LYRM4: variants seen among roughly 807,000 people sequenced by gnomAD.
LYRM4 encodes the protein LYR motif containing 4, also known as LYR motif-containing protein 4.
A neutral mutation model predicts 11.7 loss-of-function variants in LYRM4; 9 were observed. That is an observed-to-expected ratio of 0.77 (90% CI 0.46 to 1.34). The LOEUF (loss-of-function observed/expected upper bound fraction) is 1.34. Ranked by LOEUF, LYRM4 falls within the 40% of genes most tolerant of loss-of-function variation. The pLI is 0.00. For synonymous variants in LYRM4, 42 were observed against 40.4 expected, an observed-to-expected ratio of 1.04 and a Z score of -0.15; for missense variants, 133 against 112.5, an observed-to-expected ratio of 1.18 and a Z score of -0.82.
chr6:5,236,440 G>C (rs1763547725), intron 1 of LYRM4: 1 of 151,760 alleles, frequency 6.6e-6, no homozygotes, highest in African/African-American at 2.4e-5. Context: ...ACTCCAGCCT[G>C]GGCGACAGAG....
the LYRM4 span, among the ~76,000 whole-genome samples, chr6:5,035,472 G>C: frequency 6.7e-6 from 1 of 148,926 alleles, no homozygotes; most frequent in East Asian, 2.1e-4. Flanking sequence ...CGCAGCAGCG[G>C]GATCCGTCAC....
At chr6:5,099,777 G>C (rs1006818819), downstream of LYRM4, among the ~76,000 whole-genome samples, 1 of 152,112 alleles carries the variant, frequency 6.6e-6, no homozygotes, top group African/African-American at 2.4e-5. This position sits in a 1 kb window ranked among gnomAD's most constrained non-coding sequence, Gnocchi z 4.3. Context: ...GAAATTGACT[G>C]TCAGAAAGGT....
At chr6:5,144,026 T>A in intron 2 of LYRM4, 1 of 1,272,676 alleles carries the variant, frequency 7.9e-7, no homozygotes, top group Non-Finnish European at 1.1e-6. Flanking sequence ...AAGAAGCCCC[T>A]GACATCAAAT....
chr6:5,050,414 G>A, the LYRM4 span, among the ~76,000 whole-genome samples: 196 of 151,648 alleles, frequency 1.3e-3, 3 homozygotes, highest in African/African-American at 4.4e-3. Flanking sequence ...GTGTAGACAC[G>A]GAGGTGAGCA....
chr6:5,252,135 T>G (rs1462526181), intron 1 of LYRM4, among the ~76,000 whole-genome samples: 3 of 152,234 alleles, frequency 2.0e-5, no homozygotes, highest in African/African-American at 7.2e-5. Flanking sequence ...GGGAGCCTGT[T>G]TAACCATTTC....
intron 1 of LYRM4, among the ~76,000 whole-genome samples, chr6:5,237,239 C>T (rs1160735318): frequency 2.0e-5 from 3 of 152,136 alleles, no homozygotes; most frequent in African/African-American, 4.8e-5. Flanking sequence ...CACAATACCA[C>T]CTGAGCTCCA....
the LYRM4 span, chr6:5,066,323 C>T: frequency 1.4e-6 from 1 of 716,718 alleles, no homozygotes; most frequent in Non-Finnish European, 2.6e-6. Flanking sequence ...TCTATTCGTC[C>T]AAATTTATAT....
At chr6:5,259,075 G>C (rs1764814157) in intron 1 of LYRM4, among the ~76,000 whole-genome samples, 1 of 141,896 alleles carries the variant, frequency 7.0e-6, no homozygotes, top group Non-Finnish European at 1.5e-5. Context: ...GAGATTGAGA[G>C]ACTTGTCCAA....
intron 1 of LYRM4, among the ~76,000 whole-genome samples, chr6:5,259,838 C>G (rs569515193): frequency 1.4e-4 from 22 of 151,962 alleles, no homozygotes; most frequent in Non-Finnish European, 3.1e-4. Flanking sequence ...AAAAAAAATG[C>G]AGAGAGAGAA....
intron 1 of LYRM4, among the ~76,000 whole-genome samples, chr6:5,223,026 T>C (rs941064199): frequency 6.6e-6 from 1 of 152,150 alleles, no homozygotes; most frequent in Non-Finnish European, 1.5e-5. Context: ...GAAGTGATTA[T>C]AAAAAATTGA....
intron 1 of LYRM4, among the ~76,000 whole-genome samples, chr6:5,221,855 C>G (rs1426814376): frequency 6.6e-6 from 1 of 152,240 alleles, no homozygotes; most frequent in Non-Finnish European, 1.5e-5. Flanking sequence ...CAACCAATCA[C>G]AAATCTTCCA....
chr6:5,226,965 C>T (rs1762930591), intron 1 of LYRM4, among the ~76,000 whole-genome samples: 1 of 151,972 alleles, frequency 6.6e-6, no homozygotes, highest in African/African-American at 2.4e-5. Context: ...AGGGTATATA[C>T]AATTAGATCT....
intron 2 of LYRM4, among the ~76,000 whole-genome samples, chr6:5,167,789 A>G (rs917506105): frequency 6.6e-6 from 1 of 152,104 alleles, no homozygotes; most frequent in Non-Finnish European, 1.5e-5. Context: ...AGAGAAATAC[A>G]TTGCATTTTT....
At chr6:5,177,618 C>A (rs1759797018) in intron 2 of LYRM4, among the ~76,000 whole-genome samples, 1 of 152,202 alleles carries the variant, frequency 6.6e-6, no homozygotes, top group South Asian at 2.1e-4. Context: ...TATGTATTTT[C>A]TTTAATCCTT....
chr6:5,144,052 A>G (rs1405684430), intron 2 of LYRM4: 2 of 1,443,246 alleles, frequency 1.4e-6, no homozygotes, highest in African/African-American at 2.8e-5. Context: ...TCCTCCCTGA[A>G]TAGCTGCTTC....
At chr6:5,140,895 A>C (rs1248884428) in intron 2 of LYRM4, among the ~76,000 whole-genome samples, 1 of 152,184 alleles carries the variant, frequency 6.6e-6, no homozygotes, top group Non-Finnish European at 1.5e-5. Flanking sequence ...CCTCCTAAAT[A>C]ACCAACCAAA....
chr6:5,206,523 C>A (rs1458200173), intron 2 of LYRM4, among the ~76,000 whole-genome samples: 1 of 152,182 alleles, frequency 6.6e-6, no homozygotes. Context: ...TGAAAAAATT[C>A]TTGTGCTATA....
intron 2 of LYRM4, among the ~76,000 whole-genome samples, chr6:5,151,475 C>T (rs563045645): frequency 6.6e-6 from 1 of 152,288 alleles, no homozygotes; most frequent in South Asian, 2.1e-4. Context: ...TTGTTGCCTC[C>T]AGGAAATCCT....
chr6:5,219,206 G>T (rs968045280), intron 1 of LYRM4, among the ~76,000 whole-genome samples: 1 of 152,134 alleles, frequency 6.6e-6, no homozygotes, highest in Non-Finnish European at 1.5e-5. Flanking sequence ...AAGACCTAAG[G>T]TCTTCCAAAG....
Sources: allele counts gnomAD v4.1 joint callset (sites outside exome capture counted in the v4.1 genomes callset), GRCh38; gene constraint gnomAD v4.1.1; non-coding constraint Gnocchi (gnomAD v3.1); transcripts MANE v1.5; gene names NCBI Gene and HGNC (gene_info 2026-07-23, HGNC 2026-07-21).